The following ATXN3 variants were observed in gnomAD, a reference collection of about 807,000 sequenced individuals.
ATXN3 encodes the protein ataxin-3.
ATXN3 carries 28 observed loss-of-function variants against 58.2 expected under a neutral mutation model. The ratio of observed to expected loss-of-function variants is 0.48; its 90% confidence interval spans 0.36 to 0.66. The LOEUF (loss-of-function observed/expected upper bound fraction) is 0.66, where lower values mean the gene tolerates loss of function less well. ATXN3 is among the 30% of genes least tolerant of loss of function. The pLI, the probability that ATXN3 is intolerant of heterozygous loss-of-function variation, is 0.00. For missense variants in ATXN3, 321 were observed against 422.1 expected (o/e 0.76, Z 2.10); for synonymous variants, 113 against 138.5 (o/e 0.82, Z 1.29).
At chr14:92,081,814 T>C (rs1018626140) in intron 8 of ATXN3, among the ~76,000 whole-genome samples, 7 of 152,226 alleles carry the variant, frequency 4.6e-5, no homozygotes, top group African/African-American at 1.7e-4. Flanking sequence ...TTGCCTAGAT[T>C]GTCTAGGGGA....
Position 92,100,065 on chromosome 14 carries a change from A to G in ATXN3, c.25-3227T>C, listed in dbSNP as rs56090346. 6.2e-3 allele frequency among the ~76,000 whole-genome samples: 938 copies of G among 152,362 alleles called. 10 individuals are homozygous for G. The highest frequency in any genetic ancestry group is 0.021 in the African/African-American group (883 of 41,582). ...GAGGTACTCAACTTTATTAGTCATCAGGGAAATGTAAATTAAAACCACAAT... is the reference window on the plus strand; with the variant it reads ...GAGGTACTCAACTTTATTAGTCATCGGGGAAATGTAAATTAAAACCACAAT... On this transcript the variant is annotated intron_variant, in intron 1 of 10. Coordinates refer to ENST00000644486, the MANE Select transcript of ATXN3 (RefSeq NM_004993.6).
rs2057899817 is a variant in ATXN3 at position 92,063,213 on chromosome 14, A to G, written c.*1107T>C. 1 of 152,644 alleles carries G rather than the reference A, an allele frequency of 6.6e-6. No individual in the cohort carries two copies. The highest frequency in any genetic ancestry group is 2.1e-4 in the South Asian group (1 of 4,836). The allele number at this position is 152,644 out of a possible 1,614,324, so 9.5% of individuals were successfully genotyped here. On this transcript the variant is annotated 3_prime_UTR_variant, in exon 11 of 11. Coordinates refer to ENST00000644486, the MANE Select transcript of ATXN3 (RefSeq NM_004993.6). ...AATTTAAACATATTTTCATTAGTAA[A>G]TTATTTTCATGTTCCAGATCACCAT...
rs1013639502 is a variant in ATXN3 at position 92,064,071 on chromosome 14, A to T, written c.*249T>A. On this transcript the variant is annotated 3_prime_UTR_variant, in exon 11 of 11. Coordinates refer to ENST00000644486, the MANE Select transcript of ATXN3 (RefSeq NM_004993.6). ...ATGTTACATATTGCACACTCAAAAA[A>T]GAAAAAGAAACATTTAGAAAACTAT... The T allele has an allele frequency of 1.6e-5, 4 of 256,730 alleles. No individual in the cohort carries two copies. The Admixed American group carries it at 2.1e-4, about 13-fold the overall frequency. The allele number at this position is 256,730 out of a possible 1,614,324, so 15.9% of individuals were successfully genotyped here.
intron 9 of ATXN3, 169 bp downstream of exon 9, chr14:92,080,796 A>C (rs1595733522): frequency 1.6e-6 from 1 of 632,160 alleles, no homozygotes; most frequent in Non-Finnish European, 2.9e-6. Flanking sequence ...TTGGCCTCCC[A>C]AACTGCTAGC....
chr14:92,105,422 A>T (rs2068051833), intron 1 of ATXN3, among the ~76,000 whole-genome samples: 1 of 152,194 alleles, frequency 6.6e-6, no homozygotes, highest in Non-Finnish European at 1.5e-5. Flanking sequence ...TCTTTAAAAT[A>T]AAAATTAAAA....
At chr14:92,095,810 C>T (rs1450452583) in intron 3 of ATXN3, among the ~76,000 whole-genome samples, 1 of 151,668 alleles carries the variant, frequency 6.6e-6, no homozygotes, top group Non-Finnish European at 1.5e-5. Flanking sequence ...GGTGTGGTGG[C>T]GGGTGCCTGT....
rs781702814 is a variant in ATXN3, at chr14:92,083,205, G to T, written c.529C>A (p.Leu177Ile). 3 of 1,613,580 alleles carry T rather than the reference G, an allele frequency of 1.9e-6. No homozygotes were observed. Among genetic ancestry groups the T allele is most frequent in the Non-Finnish European group, 2.5e-6 (3 of 1,179,908 alleles). Residue 177 changes from leucine to isoleucine, a missense_variant, in exon 7 of 11, where the codon CTC becomes ATC. Coordinates refer to ENST00000644486, the MANE Select transcript of ATXN3 (RefSeq NM_004993.6). The part of the protein sequence containing the change: ...GDLPDCEADQ[L>I]LQMIRVQQMH... The stretch of plus-strand genomic sequence containing the variant: ...TGTTGGACCCTAATCATCTGCAGGA[G>T]TTGGTCAGCTTCGCAATCTGGCAGA...
intron 10 of ATXN3, 97 bp from the exon 11 acceptor site, chr14:92,064,511 C>T (rs900986798): frequency 5.5e-6 from 5 of 911,360 alleles, no homozygotes; most frequent in East Asian, 2.5e-5. Context: ...TATTTGAGCA[C>T]GAGTTTCTTT....
At chr14:92,091,483 T>C (rs1354090712) in intron 5 of ATXN3, among the ~76,000 whole-genome samples, 2 of 151,906 alleles carry the variant, frequency 1.3e-5, no homozygotes, top group Non-Finnish European at 1.5e-5. Context: ...AAGAACCAAC[T>C]TAGGATGAAG....
chr14:92,072,846 A>C (rs1228152271), intron 9 of ATXN3, among the ~76,000 whole-genome samples: 3 of 152,174 alleles, frequency 2.0e-5, no homozygotes, highest in African/African-American at 7.2e-5. Flanking sequence ...TTTTTTATAG[A>C]GTTCCTCTCA....
At position 92,090,412 on chromosome 14, in the gene ATXN3, T is replaced by C. The variant is rs543304516; in HGVS notation, c.388-1595A>G. ...TGTTAGCCACTGCACTCGGCCCTAA[T>C]TAACATCATTTATCACTACCACATA... On this transcript the variant is annotated intron_variant, in intron 5 of 10. Coordinates refer to ENST00000644486, the MANE Select transcript of ATXN3 (RefSeq NM_004993.6). 3.3e-5 allele frequency: 5 copies of C among 152,278 alleles called. No homozygotes were observed. In the East Asian group the frequency reaches 9.7e-4, roughly 29 times the overall value. 9.4% of individuals were successfully genotyped at this position (152,278 alleles called of 1,614,324 possible). A position where few individuals can be genotyped will look rare whatever the true frequency, so the allele number is the denominator to read the frequency against.
chr14:92,099,868 G>C (rs1312989044), intron 1 of ATXN3, among the ~76,000 whole-genome samples: 1 of 133,208 alleles, frequency 7.5e-6, no homozygotes, highest in Non-Finnish European at 1.6e-5. Context: ...GACCAAGAAA[G>C]ACAGAAAGAC....
intron 6 of ATXN3, among the ~76,000 whole-genome samples, chr14:92,088,100 G>A (rs1205264913): frequency 1.3e-5 from 2 of 149,746 alleles, no homozygotes; most frequent in Non-Finnish European, 3.0e-5. Context: ...ACGGAGTCTC[G>A]CTCTGTCGCC....
intron 6 of ATXN3, chr14:92,083,496 T>C (rs1014619665): frequency 4.8e-6 from 3 of 625,266 alleles, no homozygotes; most frequent in East Asian, 3.3e-5. Context: ...AGCCGTCTCA[T>C]TGAGTGACTG....
downstream of ATXN3, among the ~76,000 whole-genome samples, chr14:92,058,155 C>T (rs2057499572): frequency 1.3e-5 from 2 of 152,194 alleles, no homozygotes; most frequent in Non-Finnish European, 1.5e-5. Context: ...TGCTGGCCTG[C>T]GTTATTCATA....
intron 5 of ATXN3, among the ~76,000 whole-genome samples, chr14:92,089,634 G>A (rs10131670): frequency 0.28 from 43,023 of 151,916 alleles, 6,441 homozygotes; most frequent in East Asian, 0.44. Context: ...CACCGCGCCC[G>A]GCCCTGTTAG....
intron 6 of ATXN3, among the ~76,000 whole-genome samples, chr14:92,084,828 C>G (rs2062085894): frequency 6.6e-6 from 1 of 152,144 alleles, no homozygotes; most frequent in South Asian, 2.1e-4. Flanking sequence ...GATCTGCCCA[C>G]CTCGGCCTCC....
rs2059342844 is a variant in ATXN3, at chr14:92,071,010, C to CCGCTGCTGCTGCTG, written c.915_916insCAGCAGCAGCAGCG (p.Gly306GlnfsTer30). 7.7e-7 allele frequency: 1 copy of CCGCTGCTGCTGCTG among 1,291,748 alleles called. No homozygotes were observed. Among genetic ancestry groups the CCGCTGCTGCTGCTG allele is most frequent in the African/African-American group, 1.7e-5 (1 of 59,840 alleles). 80.0% of individuals were successfully genotyped at this position (1,291,748 alleles called of 1,614,324 possible). ...TGTGAACTCTGTCCTGATAGGTCCCCCTGCTGCTGCTGCTGCTGCTGCTGT... is the reference window on the plus strand; with the variant it reads ...TGTGAACTCTGTCCTGATAGGTCCCCCGCTGCTGCTGCTGCTGCTGCTGCTGCTGCTGCTGCTGT... On this transcript the variant is annotated frameshift_variant, in exon 10 of 11. Coordinates refer to ENST00000644486, the MANE Select transcript of ATXN3 (RefSeq NM_004993.6). LOFTEE classifies it high-confidence loss of function.
intron 6 of ATXN3, among the ~76,000 whole-genome samples, chr14:92,084,988 T>C (rs767292810): frequency 1.3e-5 from 2 of 152,200 alleles, no homozygotes; most frequent in Non-Finnish European, 1.5e-5. Context: ...AATAGTATGT[T>C]GAACATTTTT....
Sources: gnomAD v4.1 joint callset for allele counts (sites outside exome capture counted in the v4.1 genomes callset) on GRCh38, gnomAD v4.1.1 for gene constraint, MANE v1.5 for transcripts, NCBI Gene and HGNC (gene_info 2026-07-23, HGNC 2026-07-21) for gene names.